Variants in ATF3 observed in about 807,000 individuals in gnomAD.
The protein encoded by ATF3 is cyclic AMP-dependent transcription factor ATF-3.
Under a neutral mutation model 18.4 loss-of-function variants are expected in ATF3, and 10 were observed. The ratio of observed to expected loss-of-function variants is 0.54; its 90% CI spans 0.34 to 0.92. ATF3 has a LOEUF of 0.92. ATF3 is among the 40% of genes least tolerant of loss of function. The probability of loss-of-function intolerance (pLI) is 0.02; values close to 1 mark genes in which losing one functional copy is unlikely to be tolerated. For synonymous variants in ATF3, 78 were observed against 87.9 expected (o/e 0.89, Z 0.63); for missense variants, 183 against 222.3 (o/e 0.82, Z 1.12).
At chr1:212,605,061 A>C (rs1654582116), upstream of ATF3, among the ~76,000 whole-genome samples, 1 of 152,174 alleles carries the variant, frequency 6.6e-6, no homozygotes, top group Non-Finnish European at 1.5e-5. Context: ...GGAGAGATTC[A>C]AGGGTACCTC....
At chr1:212,582,983 C>T (rs1463952388) in intron 1 of ATF3, among the ~76,000 whole-genome samples, 1 of 152,038 alleles carries the variant, frequency 6.6e-6, no homozygotes, top group Non-Finnish European at 1.5e-5. Context: ...AGGCTGACCC[C>T]TATTTCCATG....
chr1:212,593,851 A>C (rs1664937038), intron 1 of ATF3, among the ~76,000 whole-genome samples: 1 of 144,724 alleles, frequency 6.9e-6, no homozygotes. Flanking sequence ...TCTTAGCCCT[A>C]GGGCTGTCTT....
chr1:212,601,310 G>T (rs1654479526), intron 1 of ATF3, among the ~76,000 whole-genome samples: 1 of 152,218 alleles, frequency 6.6e-6, no homozygotes, highest in African/African-American at 2.4e-5. Flanking sequence ...CAGGGATCTG[G>T]AATTTATTAA....
intron 1 of ATF3, among the ~76,000 whole-genome samples, chr1:212,598,902 G>T (rs1185093495): frequency 1.3e-5 from 2 of 152,200 alleles, no homozygotes; most frequent in African/African-American, 4.8e-5. Context: ...TGGCTACTGT[G>T]AACAGAGCTG....
chr1:212,583,928 A>G (rs958661674), intron 1 of ATF3, among the ~76,000 whole-genome samples: 1 of 152,188 alleles, frequency 6.6e-6, no homozygotes, highest in African/African-American at 2.4e-5. Context: ...CCAAGTATCT[A>G]CCATATCCTG....
Position 212,586,948 on chromosome 1 carries a change from G to A in ATF3, c.-5+21465G>A, listed in dbSNP as rs144464813. On this transcript the variant is annotated intron_variant, in intron 1 of 3. Transcript: ENST00000366981. ...AGCAGCTTCTTACTGTGAAAGTGACGCTGGGCTGGGCCCTCCGCAGGGCAG... is the reference window on the plus strand; with the variant it reads ...AGCAGCTTCTTACTGTGAAAGTGACACTGGGCTGGGCCCTCCGCAGGGCAG... 3.6e-3 allele frequency among the ~76,000 whole-genome samples: 546 copies of A among 152,310 alleles called. 3 individuals are homozygous for A. Among genetic ancestry groups the A allele is most frequent in the Middle Eastern group, 0.024 (7 of 294 alleles).
chr1:212,612,031 C>G (rs1353856060), intron 1 of ATF3, among the ~76,000 whole-genome samples: 1 of 152,092 alleles, frequency 6.6e-6, no homozygotes, highest in African/African-American at 2.4e-5. Flanking sequence ...GGGACACAGC[C>G]GTAGTCTAGG....
chr1:212,585,718 A>G (rs1364469937), intron 1 of ATF3, among the ~76,000 whole-genome samples: 1 of 152,210 alleles, frequency 6.6e-6, no homozygotes, highest in East Asian at 1.9e-4. Flanking sequence ...AGCCAAATGA[A>G]GGGTTACAGG....
chr1:212,574,689 C>T (rs1664542259), intron 1 of ATF3, among the ~76,000 whole-genome samples: 1 of 152,042 alleles, frequency 6.6e-6, no homozygotes, highest in Non-Finnish European at 1.5e-5. Flanking sequence ...ATCTTTATGG[C>T]TGATGTGAGT....
At chr1:212,588,154 G>T (rs377597371) in intron 1 of ATF3, among the ~76,000 whole-genome samples, 1 of 152,138 alleles carries the variant, frequency 6.6e-6, no homozygotes, top group Non-Finnish European at 1.5e-5. Context: ...TGAGAAGCTT[G>T]TTTTAAGGAG....
upstream of ATF3, among the ~76,000 whole-genome samples, chr1:212,608,010 G>A (rs750007402): frequency 2.6e-5 from 4 of 152,226 alleles, no homozygotes; most frequent in Non-Finnish European, 5.9e-5. Context: ...CGGGGCTGCG[G>A]GCTCGGGCGC....
intron 1 of ATF3, among the ~76,000 whole-genome samples, chr1:212,569,007 T>C (rs1664432790): frequency 6.6e-6 from 1 of 152,222 alleles, no homozygotes; most frequent in African/African-American, 2.4e-5. Context: ...GTTTTTAAGT[T>C]AGTAGCAGGT....
rs560132210 is a variant in ATF3, at chr1:212,611,102, A to G, written c.-5+2172A>G. On this transcript the variant is annotated intron_variant, in intron 1 of 3. Transcript: ENST00000341491. ...ACCCAGCCAGGGGAGGAGGAAGGAC[A>G]TAGCCAAGATGCCTCAGAAGCTTTC... is the stretch of plus-strand genomic sequence containing the variant. 1.8e-4 allele frequency among the ~76,000 whole-genome samples: 28 copies of G among 152,374 alleles called. 1 individual carries two copies. The highest frequency in any genetic ancestry group is 7.8e-4 in the Admixed American group (12 of 15,312).
chr1:212,575,728 A>T (rs183766210), intron 1 of ATF3, among the ~76,000 whole-genome samples: 4 of 152,158 alleles, frequency 2.6e-5, no homozygotes, highest in Admixed American at 6.5e-5. Flanking sequence ...CCACGAATGA[A>T]TGCTATATTC....
chr1:212,596,645 A>G (rs1253116742), intron 1 of ATF3, among the ~76,000 whole-genome samples: 1 of 152,262 alleles, frequency 6.6e-6, no homozygotes, highest in African/African-American at 2.4e-5. Context: ...TCTATATGCC[A>G]GAAAGAAAGG....
intron 1 of ATF3, among the ~76,000 whole-genome samples, chr1:212,569,159 C>T (rs1024714893): frequency 6.6e-6 from 1 of 151,988 alleles, no homozygotes; most frequent in African/African-American, 2.4e-5. Context: ...CCTCTTTTCC[C>T]ATCTCTCCCT....
intron 1 of ATF3, among the ~76,000 whole-genome samples, chr1:212,586,345 T>C (rs953251570): frequency 6.6e-5 from 10 of 152,220 alleles, no homozygotes; most frequent in African/African-American, 2.2e-4. Flanking sequence ...CTGGTGAATT[T>C]TTATTTGGGG....
chr1:212,585,168 A>G (rs1405181680), intron 1 of ATF3, among the ~76,000 whole-genome samples: 2 of 152,224 alleles, frequency 1.3e-5, no homozygotes, highest in African/African-American at 2.4e-5. Context: ...AGAAAGGATT[A>G]CTAACAGAGC....
chr1:212,590,612 T>C (rs964735023), intron 1 of ATF3, among the ~76,000 whole-genome samples: 8 of 152,196 alleles, frequency 5.3e-5, no homozygotes, highest in African/African-American at 1.9e-4. Flanking sequence ...ATATATTACT[T>C]CAATTTTTAA....
Sources: gnomAD v4.1 joint callset for allele counts (sites outside exome capture counted in the v4.1 genomes callset) on GRCh38, gnomAD v4.1.1 for gene constraint, MANE v1.5 for transcripts, NCBI Gene and HGNC (gene_info 2026-07-23, HGNC 2026-07-21) for gene names.